The following SLC22A25 variants were observed in gnomAD, a reference collection of about 807,000 sequenced individuals.
The protein encoded by SLC22A25 is solute carrier family 22 member 25.
SLC22A25 carries 44 observed loss-of-function variants against 45.9 expected under a neutral mutation model. The ratio of observed to expected loss-of-function variants is 0.96; its 90% confidence interval spans 0.75 to 1.23. The LOEUF (loss-of-function observed/expected upper bound fraction) is 1.23. Among genes scored for constraint, SLC22A25 ranks in the 50% most tolerant of loss-of-function variants. The pLI is 0.00. For synonymous variants in SLC22A25, 283 were observed against 238.6 expected, an observed-to-expected ratio of 1.19 and a Z score of -1.72; for missense variants, 800 against 666.4, an observed-to-expected ratio of 1.20 and a Z score of -2.21.
At chr11:63,196,084 G>A (rs1004533286) in intron 7 of SLC22A25, among the ~76,000 whole-genome samples, 2 of 152,012 alleles carry the variant, frequency 1.3e-5, no homozygotes, top group East Asian at 1.9e-4. Context: ...AGACCAATAA[G>A]AGGCTCTGAA....
intron 7 of SLC22A25, among the ~76,000 whole-genome samples, chr11:63,194,245 A>G (rs2088920212): frequency 6.6e-6 from 1 of 152,186 alleles, no homozygotes; most frequent in Admixed American, 6.5e-5. Context: ...ACTCTTCAGG[A>G]TATTATCCAG....
chr11:63,218,184 A>T, intron 5 of SLC22A25: 3 of 414,606 alleles, frequency 7.2e-6, no homozygotes, highest in Non-Finnish European at 1.4e-5. Context: ...GAATGAAATC[A>T]TGTCTTCTGC....
At chr11:63,214,225 A>C (rs2089652763) in intron 7 of SLC22A25, among the ~76,000 whole-genome samples, 1 of 152,172 alleles carries the variant, frequency 6.6e-6, no homozygotes, top group Admixed American at 6.6e-5. Flanking sequence ...GTTTGTTAGG[A>C]GTATACAGTC....
chr11:63,214,284 A>G (rs2089654462), intron 7 of SLC22A25, among the ~76,000 whole-genome samples: 1 of 152,226 alleles, frequency 6.6e-6, no homozygotes, highest in Admixed American at 6.5e-5. Context: ...AGTTGATAGC[A>G]TTAACAAAAT....
In SLC22A25 at chr11:63,164,499, T is replaced by C. The variant is rs1235357867; in HGVS notation, c.1394+27A>G. ...GGTTGAGACAGGTCCATTTTGAGAA[T>C]GACAGAGCACACATAAACTTTTGTA... On this transcript the variant is annotated intron_variant, in intron 11 of 11. Transcript: ENST00000306494. The C allele has an allele frequency of 3.2e-6, 5 of 1,583,248 alleles. No individual in the cohort carries two copies. The African/African-American group carries it at 4.0e-5, about 13-fold the overall frequency.
At chr11:63,178,476 A>ATTT (rs35620794) in intron 9 of SLC22A25, among the ~76,000 whole-genome samples, 2 of 147,740 alleles carry the variant, frequency 1.4e-5, no homozygotes, top group East Asian at 4.0e-4. Flanking sequence ...CTTCCCCAGC[A>ATTT]TTTTTTTTTT....
At position 63,183,781 on chromosome 11, in the gene SLC22A25, G is replaced by C. The variant is rs764853527; in HGVS notation, c.867C>G (p.Asn289Lys). The C allele has an allele frequency of 5.0e-6, 8 of 1,612,984 alleles. No individual in the cohort carries two copies. The highest frequency in any genetic ancestry group is 1.3e-5 in the African/African-American group (1 of 74,808). The change falls in exon 8 of 12, where the codon AAC becomes AAG. Residue 289 changes from asparagine to lysine, a missense_variant. Coordinates refer to ENST00000306494, the MANE Select transcript of SLC22A25 (RefSeq NM_199352.6). ...CCTTTAAGCCCTCTTCTGGTTTGTTGTTGATAATGAGCCACCGAGCAGACT... is the reference window on the plus strand; with the variant it reads ...CCTTTAAGCCCTCTTCTGGTTTGTTCTTGATAATGAGCCACCGAGCAGACT... ...LAESARWLII[N>K]NKPEEGLKEL...
At chr11:63,215,547 G>C (rs117869269) in intron 7 of SLC22A25, among the ~76,000 whole-genome samples, 3,734 of 152,176 alleles carry the variant, frequency 0.025, 101 homozygotes, top group Non-Finnish European at 0.032. Flanking sequence ...AAACCTGCAC[G>C]TTTTGCACAT....
Position 63,239,025 on chromosome 11 carries a change from C to T in SLC22A25, c.-885G>A, listed in dbSNP as rs1450430864. The T allele has an allele frequency of 3.0e-5, 5 of 167,696 alleles. No homozygotes were observed. In the East Asian group the frequency reaches 7.2e-4, roughly 24 times the overall value. 10.4% of individuals were successfully genotyped at this position (167,696 alleles called of 1,614,324 possible). On this transcript the variant is annotated 5_prime_UTR_variant, in exon 2 of 12. Coordinates refer to ENST00000306494, the MANE Select transcript of SLC22A25 (RefSeq NM_199352.6). ...ATTCTCCATACAACACGAGGGCAAA[C>T]TATAAAGGTGGAGATGATAAGAAAA...
intron 7 of SLC22A25, among the ~76,000 whole-genome samples, chr11:63,209,272 C>T (rs74792010): frequency 3.0e-4 from 45 of 152,178 alleles, no homozygotes; most frequent in South Asian, 2.9e-3. Context: ...ATTAGTGGCT[C>T]GGGCACCCAA....
intron 11 of SLC22A25, 106 bp downstream of exon 11, chr11:63,164,420 G>T: frequency 2.0e-6 from 2 of 989,592 alleles, no homozygotes; most frequent in Non-Finnish European, 1.5e-6. Flanking sequence ...TATTACATTT[G>T]ATTGTTTTTT....
chr11:63,172,537 A>C (rs553756285), intron 9 of SLC22A25, among the ~76,000 whole-genome samples: 60 of 152,318 alleles, frequency 3.9e-4, no homozygotes, highest in African/African-American at 1.3e-3. Context: ...TATGAAAAAA[A>C]GCTCATCATC....
intron 3 of SLC22A25, among the ~76,000 whole-genome samples, chr11:63,232,028 T>G (rs567736246): frequency 3.3e-5 from 5 of 152,300 alleles, no homozygotes; most frequent in East Asian, 1.9e-4. Flanking sequence ...CTGTTTTGGT[T>G]ACTGTAGCCT....
rs2087535488 is a variant in SLC22A25 at position 63,161,751 on chromosome 11, T to G, written c.*2073A>C. Among the ~76,000 whole-genome samples the G allele has an allele frequency of 1.3e-5, 2 of 152,220 alleles. No homozygotes were observed. Among genetic ancestry groups the G allele is most frequent in the Admixed American group, 1.3e-4 (2 of 15,288 alleles). ...AAATTATCCAGTCTCAGGTATGTTT[T>G]TAACAGCAGCTTGAAAATGGACTAA... On this transcript the variant is annotated 3_prime_UTR_variant, in exon 12 of 12. Coordinates refer to ENST00000306494, the MANE Select transcript of SLC22A25 (RefSeq NM_199352.6).
Position 63,229,440 on chromosome 11 carries a change from G to C in SLC22A25, c.213C>G (p.Ala71=). ...DNDPGTLSQD[A]LLRISIPFDS... The stretch of plus-strand genomic sequence containing the variant: ...CGAATGGGATGGAGATTCTCAGGAG[G>C]GCATCCTGGCTGAGGGTCCCAGGGT... Residue 71 remains alanine (A), a synonymous_variant, in exon 4 of 12, where the codon GCC becomes GCG. Coordinates refer to ENST00000306494, the MANE Select transcript of SLC22A25 (RefSeq NM_199352.6). 6.2e-7 allele frequency: 1 copy of C among 1,614,100 alleles called. No homozygotes were observed.
chr11:63,173,195 A>G (rs900378423), intron 9 of SLC22A25, among the ~76,000 whole-genome samples: 5 of 147,028 alleles, frequency 3.4e-5, no homozygotes, highest in African/African-American at 1.3e-4. Context: ...AGGGAGGGAG[A>G]CATCACACAC....
intron 9 of SLC22A25, chr11:63,167,203 C>T (rs1337642762): frequency 6.6e-6 from 1 of 152,286 alleles, no homozygotes; most frequent in African/African-American, 2.4e-5. Flanking sequence ...GCCAATGCTA[C>T]CAGGGCCCTG....
chr11:63,197,637 G>A (rs991509633), intron 7 of SLC22A25, among the ~76,000 whole-genome samples: 2 of 152,126 alleles, frequency 1.3e-5, no homozygotes, highest in Admixed American at 1.3e-4. Flanking sequence ...GAAGACCTAG[G>A]CAGTACCATT....
chr11:63,189,962 C>T (rs1023205005), intron 7 of SLC22A25, among the ~76,000 whole-genome samples: 1 of 152,070 alleles, frequency 6.6e-6, no homozygotes, highest in Non-Finnish European at 1.5e-5. Context: ...AGCTTTCTGT[C>T]TGGCTGCCCT....
Sources: allele counts gnomAD v4.1 joint callset (sites outside exome capture counted in the v4.1 genomes callset), GRCh38; gene constraint gnomAD v4.1.1; transcripts MANE v1.5; gene names NCBI Gene and HGNC (gene_info 2026-07-23, HGNC 2026-07-21).